Variants in RDX observed in about 807,000 individuals in gnomAD.
RDX encodes radixin.
Under a neutral mutation model 83.7 loss-of-function variants are expected in RDX, and 32 were observed. That is an observed-to-expected ratio of 0.38 (90% CI 0.29 to 0.51). The LOEUF (loss-of-function observed/expected upper bound fraction) is 0.51, where lower values mean the gene tolerates loss of function less well. Ranked by LOEUF, RDX falls within the 20% of genes least tolerant of loss-of-function variation. The probability of loss-of-function intolerance (pLI) is 0.87; values close to 1 mark genes in which losing one functional copy is unlikely to be tolerated. For synonymous variants in RDX, 229 were observed against 222.7 expected, an observed-to-expected ratio of 1.03 and a Z score of -0.25; for missense variants, 600 against 689.9, an observed-to-expected ratio of 0.87 and a Z score of 1.46.
Position 110,233,488 on chromosome 11 carries a change from T to TAA in RDX, c.1345-11_1345-10dup. The TAA allele has an allele frequency of 6.2e-7, 1 of 1,613,906 alleles. No homozygotes were observed. The highest frequency in any genetic ancestry group is 8.5e-7 in the Non-Finnish European group (1 of 1,179,912). Reference sequence around the variant, plus strand: ...TCCTGGGCTGCAAAAGCCTGAACATTAAAAATACGTTTATGAGCAACTTAC... The same window carrying TAA: ...TCCTGGGCTGCAAAAGCCTGAACATTAAAAAAATACGTTTATGAGCAACTTAC... On this transcript the variant is annotated splice_polypyrimidine_tract_variant and intron_variant, in intron 12 of 13. Coordinates refer to ENST00000645495, the MANE Select transcript of RDX (RefSeq NM_002906.4).
At chr11:110,187,879 C>T (rs1310345564) in intron 15 of RDX, among the ~76,000 whole-genome samples, 1 of 152,254 alleles carries the variant, frequency 6.6e-6, no homozygotes, top group Non-Finnish European at 1.5e-5. Flanking sequence ...ATACACCCAT[C>T]TGTGTTGGCT....
intron 1 of RDX, among the ~76,000 whole-genome samples, chr11:110,285,367 A>C (rs1289648359): frequency 6.6e-6 from 1 of 152,064 alleles, no homozygotes; most frequent in African/African-American, 2.4e-5. Flanking sequence ...CCCAGGTGAC[A>C]GTGTGAGACC....
At chr11:110,177,653 G>T (rs950516565) in intron 15 of RDX, among the ~76,000 whole-genome samples, 1 of 151,988 alleles carries the variant, frequency 6.6e-6, no homozygotes, top group African/African-American at 2.4e-5. Flanking sequence ...GTGTGTATGT[G>T]TGTGTGTTTT....
At chr11:110,269,939 G>T (rs1456294299) in intron 3 of RDX, among the ~76,000 whole-genome samples, 2 of 152,148 alleles carry the variant, frequency 1.3e-5, no homozygotes, top group Non-Finnish European at 2.9e-5. Flanking sequence ...CTACTCAAGA[G>T]GCTGAGGTGG....
chr11:110,257,358 C>A (rs1461749690), intron 7 of RDX, among the ~76,000 whole-genome samples: 1 of 151,990 alleles, frequency 6.6e-6, no homozygotes, highest in Non-Finnish European at 1.5e-5. Flanking sequence ...ATGTGATAGA[C>A]ATATTTATTA....
Position 110,247,842 on chromosome 11 carries a change from G to A in RDX, c.960-9C>T. 2 of 1,552,148 alleles carry A rather than the reference G, an allele frequency of 1.3e-6. No individual in the cohort carries two copies. Among genetic ancestry groups the A allele is most frequent in the East Asian group, 2.4e-5 (1 of 41,790 alleles). Reference sequence around the variant, plus strand: ...CATTCTCTAATTGTGCCCTTAAAAGGAATTGCAATTGCTGTTACAAATTAA... The same window carrying A: ...CATTCTCTAATTGTGCCCTTAAAAGAAATTGCAATTGCTGTTACAAATTAA... On this transcript the variant is annotated splice_polypyrimidine_tract_variant and intron_variant, in intron 9 of 13. Coordinates refer to ENST00000645495, the MANE Select transcript of RDX (RefSeq NM_002906.4).
At chr11:110,206,086 T>C (rs1310458077) in intron 14 of RDX, among the ~76,000 whole-genome samples, 1 of 151,948 alleles carries the variant, frequency 6.6e-6, no homozygotes, top group African/African-American at 2.4e-5. Flanking sequence ...TGAAACCCTG[T>C]CTCTACTAAA....
At chr11:110,219,581 T>C (rs1337081838) in intron 14 of RDX, among the ~76,000 whole-genome samples, 5 of 152,218 alleles carry the variant, frequency 3.3e-5, no homozygotes, top group Non-Finnish European at 2.9e-5. Flanking sequence ...ACATTCTGGA[T>C]ACATTATGTA....
rs1253617379 is a variant in RDX, at chr11:110,247,688, A to C, written c.1090+15T>G. Reference sequence around the variant, plus strand: ...ATAATAATTTTTAATCCATTTTCAAAAAAGAAACTTTTACCTTTCTGAGCT... The same window carrying C: ...ATAATAATTTTTAATCCATTTTCAACAAAGAAACTTTTACCTTTCTGAGCT... On this transcript the variant is annotated intron_variant, in intron 10 of 13. Transcript: ENST00000645495. 6 of 1,609,130 alleles carry C rather than the reference A, an allele frequency of 3.7e-6. No homozygotes were observed. Among genetic ancestry groups the C allele is most frequent in the Non-Finnish European group, 5.1e-6 (6 of 1,178,864 alleles).
chr11:110,201,889 A>C (rs1462388697), intron 14 of RDX, among the ~76,000 whole-genome samples: 1 of 147,112 alleles, frequency 6.8e-6, no homozygotes, highest in African/African-American at 2.5e-5. Context: ...ACATGCCACC[A>C]CATCCGGCTA....
chr11:110,264,704 C>T (rs1859950571), intron 4 of RDX, 75 bp downstream of exon 4: 2 of 1,087,088 alleles, frequency 1.8e-6, no homozygotes, highest in African/African-American at 1.6e-5. Context: ...ATCAGTCAGA[C>T]TTAGCTTTTC....
At chr11:110,265,510 A>C (rs1333616637) in intron 3 of RDX, among the ~76,000 whole-genome samples, 1 of 151,352 alleles carries the variant, frequency 6.6e-6, no homozygotes. Flanking sequence ...ATATATATAT[A>C]TATATATATA....
rs775781237 is a variant in RDX, at chr11:110,233,417, G to C, written c.1407C>G (p.Ala469=). 6 of 1,613,966 alleles carry C rather than the reference G, an allele frequency of 3.7e-6. No individual in the cohort carries two copies. Among genetic ancestry groups the C allele is most frequent in the South Asian group, 1.1e-5 (1 of 91,076 alleles). ...CTGGTGGTGGTGGAGGTGGAGGGGG[G>C]GCAGACATCACAGTTTTTAACTCTT... is the stretch of plus-strand genomic sequence containing the variant. The part of the protein sequence containing the change: ...TKEELKTVMS[A]PPPPPPPPVI... The change falls in exon 13 of 14, where the codon GCC becomes GCG. Residue 469 remains alanine, a synonymous_variant. Transcript: ENST00000645495.
intron 15 of RDX, among the ~76,000 whole-genome samples, chr11:110,178,647 TC>T (rs1206485304): frequency 6.6e-6 from 1 of 151,974 alleles, no homozygotes; most frequent in Non-Finnish European, 1.5e-5. Context: ...AATATAAAAG[TC>T]AGAAGAAATC....
rs748108220 is a variant in RDX at position 110,237,584 on chromosome 11, C to T, written c.1159G>A (p.Glu387Lys). The change falls in exon 11 of 14, where the codon GAA (glutamate) becomes AAA (lysine). Residue 387 changes from glutamate (E) to lysine (K), a missense_variant. Transcript: ENST00000645495. ...QERKRAKEEA[E>K]RLEKERRAAE... ...GCTCGACGCTCCTTTTCAAGTCGTT[C>T]TGCTTCTTCTTTTGCTCGTTTTCGT... 1 of 1,614,142 alleles carries T rather than the reference C, an allele frequency of 6.2e-7. No individual in the cohort carries two copies. Among genetic ancestry groups the T allele is most frequent in the Non-Finnish European group, 8.5e-7 (1 of 1,180,014 alleles).
chr11:110,209,505 C>T (rs1863743521), intron 14 of RDX, among the ~76,000 whole-genome samples: 1 of 152,238 alleles, frequency 6.6e-6, no homozygotes, highest in Non-Finnish European at 1.5e-5. Context: ...AGGAGGACTG[C>T]CTGCCTCTGT....
intron 15 of RDX, among the ~76,000 whole-genome samples, chr11:110,193,324 C>T (rs757845010): frequency 3.3e-5 from 5 of 152,080 alleles, no homozygotes; most frequent in South Asian, 2.1e-4. Context: ...ATTGAGTACA[C>T]GTGGACATTA....
rs61030269 is a variant in RDX at position 110,230,579 on chromosome 11, T to TACACAC, written c.*1284_*1289dup. 0.14 allele frequency: 20,113 copies of TACACAC among 147,034 alleles called. 1,447 individuals carry two copies. The highest frequency in any genetic ancestry group is 0.23 in the Middle Eastern group (65 of 284). The allele number at this position is 147,034 out of a possible 1,614,324, so 9.1% of individuals were successfully genotyped here. ...TTCTCTCTCTCATACACACACAGAG[T>TACACAC]ACACACACACACACACACACACACA... On this transcript the variant is annotated 3_prime_UTR_variant, in exon 14 of 14. Coordinates refer to ENST00000645495, the MANE Select transcript of RDX (RefSeq NM_002906.4).
At chr11:110,262,716 T>C (rs1859854523) in intron 5 of RDX, among the ~76,000 whole-genome samples, 1 of 152,182 alleles carries the variant, frequency 6.6e-6, no homozygotes, top group African/African-American at 2.4e-5. Context: ...TTAATTATAA[T>C]CATAAACTAG....
Sources: gnomAD v4.1 joint callset for allele counts (sites outside exome capture counted in the v4.1 genomes callset) on GRCh38, gnomAD v4.1.1 for gene constraint, MANE v1.5 for transcripts, NCBI Gene and HGNC (gene_info 2026-07-23, HGNC 2026-07-21) for gene names.